Variants in FBXW11 observed in about 807,000 individuals in gnomAD.
FBXW11 encodes F-box/WD repeat-containing protein 11.
A neutral mutation model predicts 77.6 loss-of-function variants in FBXW11; 19 were observed. The observed-to-expected ratio is 0.24, with a 90% CI of 0.17 to 0.36. FBXW11 has a LOEUF of 0.36. FBXW11 is among the 10% of genes least tolerant of loss of function. The probability of loss-of-function intolerance (pLI) is 1.00; values close to 1 mark genes in which losing one functional copy is unlikely to be tolerated. For missense variants in FBXW11, 334 were observed against 704.2 expected, an observed-to-expected ratio of 0.47 and a Z score of 5.95; for synonymous variants, 235 against 249.4, an observed-to-expected ratio of 0.94 and a Z score of 0.54.
intron 13 of FBXW11, 37 bp downstream of exon 13, chr5:171,868,573 A>C: frequency 6.5e-7 from 1 of 1,527,688 alleles, no homozygotes; most frequent in Non-Finnish European, 8.8e-7. Flanking sequence ...AGGTGAATTC[A>C]ATCAGCAAAA....
chr5:171,966,342 GA>G (rs201280507), intron 1 of FBXW11, among the ~76,000 whole-genome samples: 14 of 148,616 alleles, frequency 9.4e-5, no homozygotes, highest in Middle Eastern at 3.4e-3. Context: ...AAATCCAAAG[GA>G]AAAAAAAAAT....
intron 2 of FBXW11, among the ~76,000 whole-genome samples, chr5:171,952,392 GTA>G (rs1336919211): frequency 1.7e-5 from 2 of 114,344 alleles, no homozygotes; most frequent in South Asian, 3.4e-4. Flanking sequence ...ATATGTGTGT[GTA>G]TATGTGTGTG....
chr5:171,893,421 C>CAAAACCAAAAAAAAA (rs1759496534), intron 6 of FBXW11, among the ~76,000 whole-genome samples: 1 of 39,854 alleles, frequency 2.5e-5, no homozygotes, highest in South Asian at 1.9e-3. Context: ...ACTTCAAAAC[C>CAAAACCAAAAAAAAA]AAAAAAAAAA....
chr5:171,965,855 C>T (rs964197863), intron 1 of FBXW11, among the ~76,000 whole-genome samples: 1 of 152,058 alleles, frequency 6.6e-6, no homozygotes, highest in Admixed American at 6.5e-5. Context: ...GTAATCCCCA[C>T]GTGTCAGGGG....
chr5:171,922,955 C>T (rs140238973), intron 2 of FBXW11, among the ~76,000 whole-genome samples: 44 of 152,220 alleles, frequency 2.9e-4, no homozygotes, highest in African/African-American at 8.7e-4. Context: ...TGCTCTGCTG[C>T]CCAGGCTAGA....
chr5:171,926,227 A>G (rs1761881549), intron 2 of FBXW11, among the ~76,000 whole-genome samples: 1 of 152,144 alleles, frequency 6.6e-6, no homozygotes, highest in Non-Finnish European at 1.5e-5. Context: ...GGAAACAGAA[A>G]CTCTTACTGA....
intron 2 of FBXW11, among the ~76,000 whole-genome samples, chr5:171,914,912 G>A (rs527473784): frequency 1.3e-5 from 2 of 152,330 alleles, no homozygotes; most frequent in South Asian, 2.1e-4. Context: ...CTGCTAGCAA[G>A]CATAGCGGGT....
Position 171,869,508 on chromosome 5 carries a change from T to A in FBXW11, c.1530+221A>T, listed in dbSNP as rs372102044. ...CCACCTACAAATCAGGAAGCCTGCC[T>A]TCATATCTTAAGCTGCATTATGTCT... On this transcript the variant is annotated intron_variant, in intron 12 of 13. Coordinates refer to ENST00000517395, the MANE Select transcript of FBXW11 (RefSeq NM_001378974.1). The surrounding 1 kb of genome is among the most constrained non-coding windows in gnomAD (Gnocchi z 4.1). Among the ~76,000 whole-genome samples, 10 of 152,342 alleles carry A rather than the reference T, an allele frequency of 6.6e-5. No homozygotes were observed. Among genetic ancestry groups the A allele is most frequent in the African/African-American group, 2.4e-4 (10 of 41,572 alleles).
At chr5:171,982,443 T>C (rs1279571080) in intron 1 of FBXW11, among the ~76,000 whole-genome samples, 1 of 152,138 alleles carries the variant, frequency 6.6e-6, no homozygotes, top group Non-Finnish European at 1.5e-5. Context: ...CCCAGCTAAT[T>C]TTGTATTTTT....
chr5:172,004,867 GCACA>G lies in FBXW11; in HGVS notation c.45+1587_45+1590del, dbSNP rs112994412. Among the ~76,000 whole-genome samples, 229 of 149,432 alleles carry G rather than the reference GCACA, an allele frequency of 1.5e-3. 4 individuals carry two copies. The East Asian group carries it at 0.021, about 13-fold the overall frequency. Reference sequence around the variant, plus strand: ...CATCCCTTTGAAAACAACCCCACGTGCACACACACACACACACACACACACGCAT... The same window carrying G: ...CATCCCTTTGAAAACAACCCCACGTGCACACACACACACACACACACGCAT... On this transcript the variant is annotated intron_variant, in intron 1 of 13. Transcript: ENST00000517395.
In FBXW11 at chr5:171,878,022, A is replaced by G. The variant is rs1178088692; in HGVS notation, c.960T>C (p.Asp320=). ...DERVIVTGSS[D]STVRVWDVNT... is the part of the protein sequence containing the mutation. ...GCCAGATCACTCACCTCACCGTAGAATCTGAAGAGCCAGTTACAATGACAC... is the reference window on the plus strand; with the variant it reads ...GCCAGATCACTCACCTCACCGTAGAGTCTGAAGAGCCAGTTACAATGACAC... The change falls in exon 8 of 14, where the codon GAT becomes GAC. Residue 320 remains aspartate (D), a synonymous_variant. Transcript: ENST00000517395. 6.2e-7 allele frequency: 1 copy of G among 1,612,582 alleles called. No individual in the cohort carries two copies. The highest frequency in any genetic ancestry group is 1.3e-5 in the African/African-American group (1 of 74,888).
intron 2 of FBXW11, among the ~76,000 whole-genome samples, chr5:171,933,850 T>G (rs912024228): frequency 7.3e-5 from 11 of 151,582 alleles, no homozygotes; most frequent in African/African-American, 2.7e-4. Context: ...TTTTCATCTA[T>G]TTAAAAAAAA....
rs61749649 is a variant in FBXW11, at chr5:171,876,315, G to A, written c.1191C>T (p.Ile397=). Residue 397 remains isoleucine, a synonymous_variant, in exon 9 of 14, where the codon ATC becomes ATT. Transcript: ENST00000517395. The surrounding 1 kb of genome is among the most constrained non-coding windows in gnomAD (Gnocchi z 4.2). ...TGGTCCTGTCACCAGAGGCAGACAC[G>A]ATGTACTTGTCGTCAAAGTCTACTA... ...VNVVDFDDKY[I]VSASGDRTIK... 4,960 of 1,614,202 alleles carry A rather than the reference G, an allele frequency of 3.1e-3. 11 individuals carry two copies. The highest frequency in any genetic ancestry group is 3.8e-3 in the Non-Finnish European group (4,535 of 1,180,032).
At position 171,869,657 on chromosome 5, in the gene FBXW11, C is replaced by T; in HGVS notation, c.1530+72G>A. The T allele has an allele frequency of 4.3e-6, 5 of 1,164,160 alleles. No individual in the cohort carries two copies. Among genetic ancestry groups the T allele is most frequent in the East Asian group, 2.7e-5 (1 of 36,844 alleles). The allele number at this position is 1,164,160 out of a possible 1,614,324, so 72.1% of individuals were successfully genotyped here. A position where few individuals can be genotyped will look rare whatever the true frequency, so the allele number is the denominator to read the frequency against. ...ACACACAAGCGTTCCTGTGATACAC[C>T]TAGACAGGACTATCTGCAAATGGTC... On this transcript the variant is annotated intron_variant, in intron 12 of 13. Coordinates refer to ENST00000517395, the MANE Select transcript of FBXW11 (RefSeq NM_001378974.1). The surrounding 1 kb of genome is among the most constrained non-coding windows in gnomAD (Gnocchi z 4.1).
intron 2 of FBXW11, among the ~76,000 whole-genome samples, chr5:171,946,890 C>G (rs1288294909): frequency 1.4e-5 from 2 of 146,894 alleles, no homozygotes; most frequent in Non-Finnish European, 3.0e-5. Context: ...TCTCGGCTCA[C>G]TGCAACCTCC....
At chr5:172,002,696 C>CTTTTTTTTTTTTTTT (rs34300477) in intron 1 of FBXW11, among the ~76,000 whole-genome samples, 22 of 97,050 alleles carry the variant, frequency 2.3e-4, no homozygotes, top group African/African-American at 6.2e-4. Context: ...TTTTTCTTTT[C>CTTTTTTTTTTTTTTT]TTTTTTTTTT....
At chr5:171,916,914 G>A (rs868820082) in intron 2 of FBXW11, among the ~76,000 whole-genome samples, 1 of 151,922 alleles carries the variant, frequency 6.6e-6, no homozygotes, top group Non-Finnish European at 1.5e-5. Context: ...TTTTTGTGGG[G>A]TTTTTTTGTT....
intron 1 of FBXW11, among the ~76,000 whole-genome samples, chr5:171,987,979 AT>A (rs1459209712): frequency 6.6e-6 from 1 of 152,192 alleles, no homozygotes; most frequent in African/African-American, 2.4e-5. Flanking sequence ...GGATGAAACT[AT>A]TTATCTGCCT....
At chr5:171,948,470 G>A (rs936168928) in intron 2 of FBXW11, among the ~76,000 whole-genome samples, 2 of 151,976 alleles carry the variant, frequency 1.3e-5, no homozygotes, top group Non-Finnish European at 2.9e-5. Flanking sequence ...AGGCATGGTG[G>A]CTCATGCCTA....
Sources: gnomAD v4.1 joint callset for allele counts (sites outside exome capture counted in the v4.1 genomes callset) on GRCh38, gnomAD v4.1.1 for gene constraint, Gnocchi (gnomAD v3.1) non-coding constraint, MANE v1.5 for transcripts, NCBI Gene and HGNC (gene_info 2026-07-23, HGNC 2026-07-21) for gene names.